RAB38: variants seen among roughly 807,000 people sequenced by gnomAD.
RAB38 encodes RAB38, member RAS oncogene family, also known as ras-related protein Rab-38.
Under a neutral mutation model 18.4 loss-of-function variants are expected in RAB38, and 15 were observed. The ratio of observed to expected loss-of-function variants is 0.82; its 90% CI spans 0.55 to 1.26. RAB38 has a LOEUF of 1.26. Among genes scored for constraint, RAB38 ranks in the 50% most tolerant of loss-of-function variants. The pLI is 0.00. For synonymous variants in RAB38, 101 were observed against 104.4 expected, an observed-to-expected ratio of 0.97 and a Z score of 0.20; for missense variants, 294 against 267.4, an observed-to-expected ratio of 1.10 and a Z score of -0.69.
chr11:87,899,105 C>T, the RAB38 span, among the ~76,000 whole-genome samples: 1 of 151,466 alleles, frequency 6.6e-6, no homozygotes, highest in South Asian at 2.1e-4. Context: ...GAATGGGCTG[C>T]CTAAGGAAAC....
the RAB38 span, among the ~76,000 whole-genome samples, chr11:87,967,290 A>G: frequency 6.6e-6 from 1 of 152,192 alleles, no homozygotes; most frequent in African/African-American, 2.4e-5. Context: ...TGAATTGACT[A>G]TGCTGAGCAA....
At chr11:87,907,169 G>C in the RAB38 span, among the ~76,000 whole-genome samples, 1 of 151,828 alleles carries the variant, frequency 6.6e-6, no homozygotes, top group Non-Finnish European at 1.5e-5. Flanking sequence ...CTCAATTGGT[G>C]TTCCCACAAA....
chr11:87,861,678 G>A, the RAB38 span, among the ~76,000 whole-genome samples: 1 of 151,776 alleles, frequency 6.6e-6, no homozygotes, highest in Non-Finnish European at 1.5e-5. Context: ...CACCCTCATA[G>A]CGAGTCCTCC....
At chr11:88,021,563 A>ATTTATTT in the RAB38 span, among the ~76,000 whole-genome samples, 16 of 141,954 alleles carry the variant, frequency 1.1e-4, no homozygotes, top group Non-Finnish European at 2.1e-4. Context: ...AGAGAAAGAT[A>ATTTATTT]ATTTATTTAT....
the RAB38 span, among the ~76,000 whole-genome samples, chr11:87,922,227 C>G: frequency 1.3e-5 from 2 of 151,900 alleles, no homozygotes; most frequent in African/African-American, 4.8e-5. Flanking sequence ...ATTGTGCAGC[C>G]TCAAAAGGGA....
the RAB38 span, among the ~76,000 whole-genome samples, chr11:87,963,167 A>AT: frequency 6.6e-6 from 1 of 152,142 alleles, no homozygotes; most frequent in Non-Finnish European, 1.5e-5. Context: ...AATTCTCTGA[A>AT]TTTTCTACCA....
At chr11:88,141,768 C>G (rs767289409) in intron 2 of RAB38, among the ~76,000 whole-genome samples, 6 of 152,174 alleles carry the variant, frequency 3.9e-5, no homozygotes, top group Non-Finnish European at 8.8e-5. Context: ...TGTTATTTCT[C>G]AACTCCATGC....
chr11:88,106,141 C>G, the RAB38 span, among the ~76,000 whole-genome samples: 4 of 151,946 alleles, frequency 2.6e-5, no homozygotes, highest in African/African-American at 9.7e-5. Context: ...AGCAGAGACC[C>G]GTGACTTTTT....
chr11:87,951,840 G>C, the RAB38 span, among the ~76,000 whole-genome samples: 86 of 152,254 alleles, frequency 5.6e-4, no homozygotes, highest in African/African-American at 1.7e-3. Context: ...GGCTACTCGG[G>C]TGTCAGGGAC....
chr11:87,955,510 G>A, the RAB38 span, among the ~76,000 whole-genome samples: 4 of 152,000 alleles, frequency 2.6e-5, no homozygotes, highest in Admixed American at 6.6e-5. Context: ...TAAAATAAAA[G>A]TTAAAATTAT....
At chr11:88,172,612 C>A (rs959031600) in intron 1 of RAB38, among the ~76,000 whole-genome samples, 1 of 152,172 alleles carries the variant, frequency 6.6e-6, no homozygotes, top group Admixed American at 6.5e-5. Context: ...CAGAGTTGAA[C>A]ACTAAGGACG....
At chr11:87,977,946 T>C in the RAB38 span, among the ~76,000 whole-genome samples, 7 of 113,482 alleles carry the variant, frequency 6.2e-5, no homozygotes, top group South Asian at 1.1e-3. Context: ...TATAATATAT[T>C]AATATAATAT....
At chr11:88,145,072 G>A (rs1005697448) in intron 2 of RAB38, among the ~76,000 whole-genome samples, 2 of 152,154 alleles carry the variant, frequency 1.3e-5, no homozygotes, top group African/African-American at 4.8e-5. Flanking sequence ...GAATGGTGTA[G>A]AGTGTGCAAA....
chr11:88,167,740 A>C (rs942501541), intron 1 of RAB38: 23 of 152,290 alleles, frequency 1.5e-4, no homozygotes, highest in African/African-American at 5.5e-4. Context: ...AGCTGAAAAA[A>C]TGAGTAAAAC....
chr11:87,805,804 A>G, the RAB38 span, among the ~76,000 whole-genome samples: 1 of 152,108 alleles, frequency 6.6e-6, no homozygotes, highest in Non-Finnish European at 1.5e-5. Context: ...TTGGAAACCC[A>G]GGATAGAGAC....
chr11:88,004,577 G>T, the RAB38 span, among the ~76,000 whole-genome samples: 5 of 151,320 alleles, frequency 3.3e-5, no homozygotes, highest in South Asian at 1.0e-3. Context: ...AGCAGGGCAA[G>T]CATTGTCGGT....
At chr11:88,092,956 T>G in the RAB38 span, among the ~76,000 whole-genome samples, 1 of 151,814 alleles carries the variant, frequency 6.6e-6, no homozygotes, top group Non-Finnish European at 1.5e-5. Flanking sequence ...CTTCATAAAG[T>G]GTGGAAAAAT....
At chr11:87,895,445 G>A in the RAB38 span, among the ~76,000 whole-genome samples, 12 of 151,600 alleles carry the variant, frequency 7.9e-5, no homozygotes, top group Admixed American at 7.9e-4. Flanking sequence ...GAGAGCAAGA[G>A]AAGAAAGAAT....
the RAB38 span, among the ~76,000 whole-genome samples, chr11:87,892,126 C>T: frequency 6.6e-6 from 1 of 151,790 alleles, no homozygotes; most frequent in Non-Finnish European, 1.5e-5. Context: ...CTCAAACTGC[C>T]ATGTGCAGTC....
Sources: gnomAD v4.1 joint callset for allele counts (sites outside exome capture counted in the v4.1 genomes callset) on GRCh38, gnomAD v4.1.1 for gene constraint, MANE v1.5 for transcripts, NCBI Gene and HGNC (gene_info 2026-07-23, HGNC 2026-07-21) for gene names.